The following SH3GL3 variants were observed in gnomAD, a reference collection of about 807,000 sequenced individuals.
SH3GL3 encodes SH3 domain containing GRB2 like 3, endophilin A3, also known as endophilin-A3.
In SH3GL3, 33 loss-of-function variants were observed where a neutral mutation model predicts 47.7. The ratio of observed to expected loss-of-function variants is 0.69; its 90% confidence interval spans 0.52 to 0.92. The LOEUF is 0.92. Ranked by LOEUF, SH3GL3 falls within the 40% of genes least tolerant of loss-of-function variation. The probability of loss-of-function intolerance (pLI) is 0.00; values close to 1 mark genes in which losing one functional copy is unlikely to be tolerated. For synonymous variants in SH3GL3, 155 were observed against 148.8 expected (o/e 1.04, Z -0.30); for missense variants, 363 against 417.8 (o/e 0.87, Z 1.14).
chr15:83,621,419 G>A (rs2141313521), downstream of SH3GL3, among the ~76,000 whole-genome samples: 1 of 152,210 alleles, frequency 6.6e-6, no homozygotes. Flanking sequence ...CAGGAAATAG[G>A]GAAGCCTGAG....
rs1281061591 is a variant in SH3GL3, at chr15:83,469,779, A to G, written c.45+22201A>G. Among the ~76,000 whole-genome samples, 3 of 152,282 alleles carry G rather than the reference A, an allele frequency of 2.0e-5. No individual in the cohort carries two copies. In the South Asian group the frequency reaches 6.2e-4, roughly 32 times the overall value. ...CTGTGGGTACATTAAAACGATGTGT[A>G]TCTGCTGTTGTTGAGTGGAGTGTTC... On this transcript the variant is annotated intron_variant, in intron 1 of 8. Transcript: ENST00000427482.
chr15:83,487,771 T>C (rs1175281732), intron 1 of SH3GL3, among the ~76,000 whole-genome samples: 2 of 152,192 alleles, frequency 1.3e-5, no homozygotes, highest in Admixed American at 6.5e-5. Flanking sequence ...ACATTCCTAG[T>C]CTGTGGCCCC....
rs560752223 is a variant in SH3GL3, at chr15:83,534,418, C to G, written c.46-24835C>G. Among the ~76,000 whole-genome samples the G allele has an allele frequency of 4.6e-5, 7 of 152,298 alleles. No individual in the cohort carries two copies. The South Asian group carries it at 1.2e-3, about 27-fold the overall frequency. On this transcript the variant is annotated intron_variant, in intron 1 of 8. Coordinates refer to ENST00000427482, the MANE Select transcript of SH3GL3 (RefSeq NM_003027.5). ...CCCCTCTCTCTCCCTCTCTCCCTCT[C>G]TCCCTCCCTCTTGTTGGCTTAGGCC...
intron 6 of SH3GL3, among the ~76,000 whole-genome samples, chr15:83,578,340 C>G (rs1326446876): frequency 1.3e-5 from 2 of 152,144 alleles, no homozygotes; most frequent in African/African-American, 4.8e-5. Context: ...TCAGCCCCAG[C>G]ATTAGTATGG....
chr15:83,514,844 G>A (rs1340274470), intron 1 of SH3GL3, among the ~76,000 whole-genome samples: 1 of 152,236 alleles, frequency 6.6e-6, no homozygotes, highest in Non-Finnish European at 1.5e-5. Flanking sequence ...GGCGTGTCAG[G>A]CTGGGAAATT....
chr15:83,535,701 A>G (rs1351600746), intron 1 of SH3GL3, among the ~76,000 whole-genome samples: 1 of 152,218 alleles, frequency 6.6e-6, no homozygotes, highest in Non-Finnish European at 1.5e-5. Flanking sequence ...GAATCTTCTG[A>G]AAGACCACAT....
chr15:83,522,762 G>A (rs1254443311), intron 1 of SH3GL3, among the ~76,000 whole-genome samples: 8 of 152,160 alleles, frequency 5.3e-5, no homozygotes, highest in Admixed American at 3.3e-4. Flanking sequence ...CCACAGAAGG[G>A]TCTTTTTCTG....
intron 4 of SH3GL3, among the ~76,000 whole-genome samples, chr15:83,569,853 G>T (rs759665783): frequency 6.6e-6 from 1 of 152,084 alleles, no homozygotes; most frequent in Non-Finnish European, 1.5e-5. Flanking sequence ...GCATCAGGAG[G>T]TCCATTTTTT....
chr15:83,495,389 G>A (rs1293778215), intron 1 of SH3GL3, among the ~76,000 whole-genome samples: 2 of 152,170 alleles, frequency 1.3e-5, no homozygotes, highest in Non-Finnish European at 2.9e-5. Context: ...CTGGCTTTGA[G>A]AAAGGGAAAG....
At chr15:83,542,425 T>C (rs1263419366) in intron 1 of SH3GL3, among the ~76,000 whole-genome samples, 3 of 152,180 alleles carry the variant, frequency 2.0e-5, no homozygotes, top group African/African-American at 7.2e-5. Context: ...GTTTTATTCA[T>C]TTTGCTCAGG....
intron 1 of SH3GL3, among the ~76,000 whole-genome samples, chr15:83,485,093 T>C (rs2151565520): frequency 6.6e-6 from 1 of 152,336 alleles, no homozygotes; most frequent in South Asian, 2.1e-4. Flanking sequence ...TCTTTATGTG[T>C]CCTTGAGACT....
At chr15:83,505,761 C>T (rs2042476264) in intron 1 of SH3GL3, among the ~76,000 whole-genome samples, 1 of 152,146 alleles carries the variant, frequency 6.6e-6, no homozygotes, top group Non-Finnish European at 1.5e-5. Flanking sequence ...AACTCCTGAC[C>T]TCAGGTGATC....
intron 8 of SH3GL3, among the ~76,000 whole-genome samples, chr15:83,592,635 C>A (rs991296146): frequency 6.6e-6 from 1 of 152,232 alleles, no homozygotes; most frequent in Non-Finnish European, 1.5e-5. Context: ...TCCCCATCTA[C>A]CCCTTCTGTT....
At chr15:83,616,929 T>C (rs1381379104) in intron 8 of SH3GL3, among the ~76,000 whole-genome samples, 1 of 152,170 alleles carries the variant, frequency 6.6e-6, no homozygotes, top group Non-Finnish European at 1.5e-5. Context: ...TTGTGAGAGC[T>C]GACAGCTAGT....
At chr15:83,553,019 C>A (rs1226822928) in intron 1 of SH3GL3, among the ~76,000 whole-genome samples, 1 of 152,114 alleles carries the variant, frequency 6.6e-6, no homozygotes, top group Non-Finnish European at 1.5e-5. Flanking sequence ...GAAATCCCAG[C>A]ACTTTAGGAG....
intron 1 of SH3GL3, chr15:83,489,439 C>A (rs1273295603): frequency 6.6e-6 from 1 of 152,176 alleles, no homozygotes; most frequent in Non-Finnish European, 1.5e-5. Context: ...TTACTGCTTC[C>A]TTTGATGGGG....
chr15:83,619,417 G>C (rs1360131213), downstream of SH3GL3, among the ~76,000 whole-genome samples: 3 of 152,158 alleles, frequency 2.0e-5, 1 homozygote, highest in African/African-American at 4.8e-5. Flanking sequence ...GCCTGTTGCT[G>C]GGGGAGGGGA....
At chr15:83,467,427 G>C (rs1234827083) in intron 1 of SH3GL3, among the ~76,000 whole-genome samples, 2 of 152,182 alleles carry the variant, frequency 1.3e-5, no homozygotes, top group East Asian at 3.8e-4. Flanking sequence ...ATCCAGTCTT[G>C]ATGACTGTAG....
At chr15:83,502,273 G>A (rs1481505430) in intron 1 of SH3GL3, among the ~76,000 whole-genome samples, 1 of 152,222 alleles carries the variant, frequency 6.6e-6, no homozygotes, top group Non-Finnish European at 1.5e-5. Context: ...AGGGTTTGCC[G>A]AGTTGGTGAT....
Sources: gnomAD v4.1 joint callset for allele counts (sites outside exome capture counted in the v4.1 genomes callset) on GRCh38, gnomAD v4.1.1 for gene constraint, MANE v1.5 for transcripts, NCBI Gene and HGNC (gene_info 2026-07-23, HGNC 2026-07-21) for gene names.